Variants in UQCRC2 observed in about 807,000 individuals in gnomAD.
The protein encoded by UQCRC2 is ubiquinol-cytochrome c reductase core protein 2, also known as cytochrome b-c1 complex subunit 2, mitochondrial.
A neutral mutation model predicts 55.6 loss-of-function variants in UQCRC2; 49 were observed. The observed-to-expected ratio is 0.88, with a 90% CI of 0.70 to 1.12. The LOEUF (loss-of-function observed/expected upper bound fraction) is 1.12, where lower values mean the gene tolerates loss of function less well. Among genes scored for constraint, UQCRC2 ranks in the 50% most tolerant of loss-of-function variants. The pLI, the probability that UQCRC2 is intolerant of heterozygous loss-of-function variation, is 0.00. For synonymous variants in UQCRC2, 193 were observed against 192.0 expected, an observed-to-expected ratio of 1.01 and a Z score of -0.04; for missense variants, 506 against 547.8, an observed-to-expected ratio of 0.92 and a Z score of 0.76.
Position 21,972,106 on chromosome 16 carries a change from C to T in UQCRC2, c.950C>T (p.Thr317Ile). The change falls in exon 10 of 14, where the codon ACT becomes ATT. Residue 317 changes from threonine (T) to isoleucine (I), a missense_variant. Physicochemically the swap from Thr to Ile is moderately conservative, Grantham distance 89 (BLOSUM62 -1). Transcript: ENST00000268379. ...SHLHQAVAKA[T>I]QQPFDVSAFN... is the part of the protein sequence containing the mutation. Reference sequence around the variant, plus strand: ...CTGCACCAGGCTGTTGCCAAGGCAACTCAGCAGCCATTTGATGTGAGTCTG... The same window carrying T: ...CTGCACCAGGCTGTTGCCAAGGCAATTCAGCAGCCATTTGATGTGAGTCTG... The T allele has an allele frequency of 6.2e-7, 1 of 1,613,690 alleles. No homozygotes were observed. Among genetic ancestry groups the T allele is most frequent in the Non-Finnish European group, 8.5e-7 (1 of 1,179,792 alleles).
At chr16:21,955,130 T>G (rs1467931508) in intron 1 of UQCRC2, among the ~76,000 whole-genome samples, 1 of 151,628 alleles carries the variant, frequency 6.6e-6, no homozygotes, top group Non-Finnish European at 1.5e-5. Flanking sequence ...ACCTAAAATC[T>G]CACTTGGTAA....
At chr16:21,956,821 G>T (rs1355478905) in intron 1 of UQCRC2, among the ~76,000 whole-genome samples, 1 of 152,144 alleles carries the variant, frequency 6.6e-6, no homozygotes, top group East Asian at 1.9e-4. Flanking sequence ...CCAACACTTT[G>T]GGAGACCAAG....
At chr16:21,966,692 C>G (rs1009740630) in intron 7 of UQCRC2, among the ~76,000 whole-genome samples, 1 of 152,310 alleles carries the variant, frequency 6.6e-6, no homozygotes, top group Admixed American at 6.5e-5. Flanking sequence ...CATCATCCAA[C>G]TTGAACAGGC....
At chr16:21,971,413 A>T (rs906059955) in intron 8 of UQCRC2, 112 bp from the exon 9 acceptor site, 237 of 846,582 alleles carry the variant, frequency 2.8e-4, no homozygotes, top group East Asian at 1.3e-4. Context: ...ACTCTTATTT[A>T]TTTTGTAGTG....
intron 1 of UQCRC2, among the ~76,000 whole-genome samples, chr16:21,956,417 AC>A (rs1898087592): frequency 6.6e-6 from 1 of 152,006 alleles, no homozygotes; most frequent in South Asian, 2.1e-4. Flanking sequence ...GGCAGCATGT[AC>A]CTGTAATCCC....
In UQCRC2 at chr16:21,980,567, A is replaced by G. The variant is rs139312246; in HGVS notation, c.1145A>G (p.Tyr382Cys). 340 of 1,614,012 alleles carry G rather than the reference A, an allele frequency of 2.1e-4. 1 individual carries two copies. In the East Asian group the frequency reaches 7.4e-3, roughly 35 times the overall value. ...GACAGGAACAAGCTGAAAGCTGGAT[A>G]CCTAATGTCAGTGGAGTCTTCTGAG... ...QAAKNKLKAG[Y>C]LMSVESSECF... is the part of the protein sequence containing the mutation. The change falls in exon 13 of 14, where the codon TAC (tyrosine) becomes TGC (cysteine). Residue 382 changes from tyrosine to cysteine, a missense_variant. Physicochemically the swap from Tyr to Cys is radical, Grantham distance 194 (BLOSUM62 -2). Coordinates refer to ENST00000268379, the MANE Select transcript of UQCRC2 (RefSeq NM_003366.4).
intron 8 of UQCRC2, among the ~76,000 whole-genome samples, chr16:21,969,113 G>A (rs1316295911): frequency 2.6e-5 from 4 of 152,208 alleles, no homozygotes; most frequent in Non-Finnish European, 4.4e-5. Flanking sequence ...AATCTGTGAT[G>A]TTGGCAAAAT....
At chr16:21,979,792 CAGTA>C (rs1209689839) in intron 12 of UQCRC2, among the ~76,000 whole-genome samples, 1 of 152,092 alleles carries the variant, frequency 6.6e-6, no homozygotes, top group African/African-American at 2.4e-5. Flanking sequence ...ATTATGTTGT[CAGTA>C]AGTAATAGGA....
Position 21,958,648 on chromosome 16 carries a change from A to C in UQCRC2, c.332+49A>C, listed in dbSNP as rs577373681. ...ATAGTGAAAATGCCAGAAAATATTC[A>C]ATTTTAAGGGAACTTTTCTCTGTTA... On this transcript the variant is annotated intron_variant, in intron 4 of 13. Transcript: ENST00000268379. The C allele has an allele frequency of 2.2e-5, 34 of 1,524,802 alleles. No homozygotes were observed. The South Asian group carries it at 3.2e-4, about 15-fold the overall frequency. The allele number at this position is 1,524,802 out of a possible 1,614,324, so 94.5% of individuals were successfully genotyped here.
intron 12 of UQCRC2, among the ~76,000 whole-genome samples, chr16:21,977,532 G>T (rs1280483546): frequency 6.6e-6 from 1 of 152,068 alleles, no homozygotes; most frequent in Non-Finnish European, 1.5e-5. Flanking sequence ...ATACTTGTCT[G>T]CTATTTGGCA....
At chr16:21,954,959 G>A (rs2141924243) in intron 1 of UQCRC2, among the ~76,000 whole-genome samples, 1 of 150,068 alleles carries the variant, frequency 6.7e-6, no homozygotes, top group South Asian at 2.1e-4. Flanking sequence ...GGAGGCTGAG[G>A]CAGGAGAATC....
chr16:21,968,523 T>C lies in UQCRC2; in HGVS notation c.613-105T>C, dbSNP rs539271487. ...CCTTGTAGTTCATTACAGCAACTTA[T>C]AAGGCCTTATAAGTATTTATTTTCT... On this transcript the variant is annotated intron_variant, in intron 7 of 13. Transcript: ENST00000268379. 33 of 962,304 alleles carry C rather than the reference T, an allele frequency of 3.4e-5. No individual in the cohort carries two copies. In the African/African-American group the frequency reaches 4.9e-4, roughly 14 times the overall value. 59.6% of individuals were successfully genotyped at this position (962,304 alleles called of 1,614,324 possible). A position where few individuals can be genotyped will look rare whatever the true frequency, so the allele number is the denominator to read the frequency against.
chr16:21,972,844 G>A (rs1898494273), intron 10 of UQCRC2, among the ~76,000 whole-genome samples: 1 of 152,158 alleles, frequency 6.6e-6, no homozygotes, highest in African/African-American at 2.4e-5. Context: ...GCTCACGCCT[G>A]TAATCCCAGC....
chr16:21,963,618 C>T (rs914694360), intron 6 of UQCRC2, among the ~76,000 whole-genome samples: 13 of 151,918 alleles, frequency 8.6e-5, no homozygotes, highest in African/African-American at 2.7e-4. Flanking sequence ...CACACACCAC[C>T]GCACCCTGCT....
intron 6 of UQCRC2, among the ~76,000 whole-genome samples, chr16:21,963,420 A>G (rs184111604): frequency 1.2e-4 from 18 of 152,220 alleles, no homozygotes; most frequent in Non-Finnish European, 2.6e-4. Flanking sequence ...AATTGTTTGT[A>G]AGATCCTAGA....
chr16:21,971,671 C>T, intron 9 of UQCRC2, 51 bp downstream of exon 9: 1 of 1,565,802 alleles, frequency 6.4e-7, no homozygotes, highest in Non-Finnish European at 8.8e-7. Context: ...CGTTTCCCCA[C>T]TAGAATAGCA....
intron 6 of UQCRC2, among the ~76,000 whole-genome samples, chr16:21,964,495 TCTTA>T (rs1345502049): frequency 6.6e-6 from 1 of 152,144 alleles, no homozygotes; most frequent in Non-Finnish European, 1.5e-5. Context: ...AGCCCACTTC[TCTTA>T]CTTTATGCTC....
chr16:21,980,758 T>G lies in UQCRC2; in HGVS notation c.1278+58T>G, dbSNP rs1898704571. 4 of 1,593,566 alleles carry G rather than the reference T, an allele frequency of 2.5e-6. No homozygotes were observed. In the Admixed American group the frequency reaches 6.8e-5, roughly 27 times the overall value. ...AGAGAACTTAACCTTAATGATCCAATTTCAGAAGGATGCATAAGCGTCCTT... is the reference window on the plus strand; with the variant it reads ...AGAGAACTTAACCTTAATGATCCAAGTTCAGAAGGATGCATAAGCGTCCTT... On this transcript the variant is annotated intron_variant, in intron 13 of 13. Coordinates refer to ENST00000268379, the MANE Select transcript of UQCRC2 (RefSeq NM_003366.4).
intron 1 of UQCRC2, among the ~76,000 whole-genome samples, chr16:21,956,972 G>A (rs1260754032): frequency 6.6e-6 from 1 of 152,004 alleles, no homozygotes; most frequent in Non-Finnish European, 1.5e-5. Flanking sequence ...GGGAGGCTAA[G>A]GCAGGAGAAT....
Sources: allele counts gnomAD v4.1 joint callset (sites outside exome capture counted in the v4.1 genomes callset), GRCh38; gene constraint gnomAD v4.1.1; transcripts MANE v1.5; gene names NCBI Gene and HGNC (gene_info 2026-07-23, HGNC 2026-07-21).